Variants in SMC4 observed in about 807,000 individuals in gnomAD.
SMC4 encodes structural maintenance of chromosomes protein 4.
In SMC4, 87 loss-of-function variants were observed where a neutral mutation model predicts 145.6. That is an observed-to-expected ratio of 0.60 (90% CI 0.50 to 0.71). The LOEUF (loss-of-function observed/expected upper bound fraction) is 0.71, where lower values mean the gene tolerates loss of function less well. Among genes scored for constraint, SMC4 ranks in the 30% least tolerant of loss-of-function variants. The probability of loss-of-function intolerance (pLI) is 0.00; values close to 1 mark genes in which losing one functional copy is unlikely to be tolerated. For missense variants in SMC4, 1,447 were observed against 1,537.1 expected (o/e 0.94, Z 0.98); for synonymous variants, 558 against 500.7 (o/e 1.11, Z -1.53).
Position 160,430,621 on chromosome 3 carries a change from T to G in SMC4, c.2818T>G (p.Ser940Ala). Residue 940 changes from serine to alanine, a missense_variant, in exon 19 of 24, where the codon TCT becomes GCT. By Grantham distance (99) the Ser-to-Ala change is moderately conservative. Coordinates refer to ENST00000357388, the MANE Select transcript of SMC4 (RefSeq NM_001002800.3). ...ADRNLQKAQDSVLRTEKEIKD... is the reference protein window; with the variant it reads ...ADRNLQKAQDAVLRTEKEIKD... Reference sequence around the variant, plus strand: ...TAGAAACCTTCAAAAGGCACAAGACTCTGTCTTGCGTACAGAGAAAGAAAT... The same window carrying G: ...TAGAAACCTTCAAAAGGCACAAGACGCTGTCTTGCGTACAGAGAAAGAAAT... 2 of 1,609,224 alleles carry G rather than the reference T, an allele frequency of 1.2e-6. No individual in the cohort carries two copies. The highest frequency in any genetic ancestry group is 1.7e-6 in the Non-Finnish European group (2 of 1,178,114).
chr3:160,416,292 C>A lies in SMC4; in HGVS notation c.1314C>A (p.Ile438=). ...FKSIPAKSNN[I]INETTTRNNA... ...GTATACCTGCCAAGAGTAACAATAT[C>A]ATTAATGAAACAACAACCAGAAACA... is the stretch of plus-strand genomic sequence containing the variant. The change falls in exon 10 of 24, where the codon ATC becomes ATA. Residue 438 remains isoleucine (I), a synonymous_variant. Coordinates refer to ENST00000357388, the MANE Select transcript of SMC4 (RefSeq NM_001002800.3). 6.3e-7 allele frequency: 1 copy of A among 1,596,158 alleles called. No homozygotes were observed.
intron 23 of SMC4, 78 bp downstream of exon 23, chr3:160,433,287 C>T: frequency 9.8e-7 from 1 of 1,016,464 alleles, no homozygotes; most frequent in Non-Finnish European, 1.5e-6. Flanking sequence ...TTCTTTATTT[C>T]TTACAATTGA....
At position 160,402,859 on chromosome 3, in the gene SMC4, A is replaced by G; in HGVS notation, c.502A>G (p.Ile168Val). Residue 168 changes from isoleucine (I) to valine (V), a missense_variant, in exon 4 of 24, where the codon ATT becomes GTT. By Grantham distance (29) the Ile-to-Val change is conservative. Coordinates refer to ENST00000357388, the MANE Select transcript of SMC4 (RefSeq NM_001002800.3). Reference sequence around the variant, plus strand: ...AGTAGAAGTTCATTTTCAAAAGATAATTGATAAGGTAAGGGATTTTTACTG... The same window carrying G: ...AGTAGAAGTTCATTTTCAAAAGATAGTTGATAAGGTAAGGGATTTTTACTG... Reference protein sequence around the residue: ...CTVEVHFQKIIDKEGDDYEVI... With the variant: ...CTVEVHFQKIVDKEGDDYEVI... 1 of 1,566,884 alleles carries G rather than the reference A, an allele frequency of 6.4e-7. No individual in the cohort carries two copies. The highest frequency in any genetic ancestry group is 1.4e-5 in the African/African-American group (1 of 71,858).
At position 160,425,024 on chromosome 3, in the gene SMC4, G is replaced by GTA. The variant is rs1717625015; in HGVS notation, c.2478+6_2478+7insAT. ...AAATTTACTGCAAGCATCCAGGTAT[G>GTA]TGTGTGTGTGTGTGTGTGTGTGTGT... On this transcript the variant is annotated splice_donor_region_variant and intron_variant, in intron 16 of 23. Coordinates refer to ENST00000357388, the MANE Select transcript of SMC4 (RefSeq NM_001002800.3). 3 of 627,888 alleles carry GTA rather than the reference G, an allele frequency of 4.8e-6. No individual in the cohort carries two copies. In the East Asian group the frequency reaches 2.4e-4, roughly 49 times the overall value. The allele number at this position is 627,888 out of a possible 1,614,324, so 38.9% of individuals were successfully genotyped here.
intron 5 of SMC4, among the ~76,000 whole-genome samples, chr3:160,410,787 T>C (rs1327670420): frequency 1.3e-5 from 2 of 152,220 alleles, no homozygotes; most frequent in Admixed American, 6.5e-5. Context: ...TAGTAAGTTT[T>C]ACCCCACATT....
In SMC4 at chr3:160,400,938, C is replaced by G. The variant is rs1450665976; in HGVS notation, c.112C>G (p.Arg38Gly). The G allele has an allele frequency of 2.4e-5, 35 of 1,461,708 alleles. No individual in the cohort carries two copies. In the South Asian group the frequency reaches 4.0e-4, roughly 17 times the overall value. 90.5% of individuals were successfully genotyped at this position (1,461,708 alleles called of 1,614,324 possible). Residue 38 changes from arginine (R) to glycine (G), a missense_variant, in exon 2 of 24, where the codon CGC becomes GGC. Transcript: ENST00000357388. ...SDAEPEPPSG[R>G]TESPATAAET... ...CGCGGAGCCTGAGCCGCCGTCCGGC[C>G]GCACGGAGAGCCCAGCCACCGCCGC...
In SMC4 at chr3:160,412,473, T is replaced by C. The variant is rs1160434487; in HGVS notation, c.980+20T>C. 4 of 1,578,182 alleles carry C rather than the reference T, an allele frequency of 2.5e-6. No homozygotes were observed. The highest frequency in any genetic ancestry group is 3.4e-6 in the Non-Finnish European group (4 of 1,163,068). On this transcript the variant is annotated intron_variant, in intron 7 of 23. Transcript: ENST00000357388. ...TTATATGTAAGTGCCTTGATTGATA[T>C]TACCAATTTTTATATTAGTTTTTAA...
In SMC4 at chr3:160,416,401, C is replaced by T; in HGVS notation, c.1423C>T (p.Gln475Ter). ...CCTTAAACAGGAAACACAAGGGCTTCAGAAAGAAAAAGAAGTAAGTTTTTT... is the reference window on the plus strand; with the variant it reads ...CCTTAAACAGGAAACACAAGGGCTTTAGAAAGAAAAAGAAGTAAGTTTTTT... ...DSLKQETQGL[Q>*]KEKESREKEL... is the part of the protein sequence containing the mutation. Residue 475 changes from glutamine (Q) to a stop codon, truncating the protein, a stop_gained, in exon 10 of 24, where the codon CAG becomes TAG. Coordinates refer to ENST00000357388, the MANE Select transcript of SMC4 (RefSeq NM_001002800.3). LOFTEE classifies it high-confidence loss of function. 1.4e-6 allele frequency: 2 copies of T among 1,427,244 alleles called. No homozygotes were observed. The highest frequency in any genetic ancestry group is 1.7e-5 in the South Asian group (1 of 59,384). 88.4% of individuals were successfully genotyped at this position (1,427,244 alleles called of 1,614,324 possible).
At chr3:160,410,687 AT>A (rs1392652717) in intron 5 of SMC4, among the ~76,000 whole-genome samples, 1 of 152,288 alleles carries the variant, frequency 6.6e-6, no homozygotes, top group Non-Finnish European at 1.5e-5. Flanking sequence ...TAATGAGTAG[AT>A]TTTCAAATAA....
chr3:160,401,102 G>A, intron 2 of SMC4, 137 bp downstream of exon 2: 1 of 1,203,416 alleles, frequency 8.3e-7, no homozygotes, highest in Non-Finnish European at 1.1e-6. Context: ...TAGAGGCTCA[G>A]GAAAGCCATT....
Position 160,402,723 on chromosome 3 carries a change from TATTG to T in SMC4, c.370_373del (p.Asp124LeufsTer13). The T allele has an allele frequency of 6.2e-7, 1 of 1,611,646 alleles. No individual in the cohort carries two copies. The highest frequency in any genetic ancestry group is 8.5e-7 in the Non-Finnish European group (1 of 1,179,446). On this transcript the variant is annotated frameshift_variant, in exon 4 of 24. Coordinates refer to ENST00000357388, the MANE Select transcript of SMC4 (RefSeq NM_001002800.3). LOFTEE classifies it high-confidence loss of function. The stretch of plus-strand genomic sequence containing the variant: ...CAAATGGCAGTGGCAAATCCAATGT[TATTG>T]ATTCTATGCTTTTTGTGTTTGGCTA...
At chr3:160,409,843 G>A (rs1715783008) in intron 5 of SMC4, among the ~76,000 whole-genome samples, 1 of 152,164 alleles carries the variant, frequency 6.6e-6, no homozygotes, top group Admixed American at 6.5e-5. Flanking sequence ...GAGGCAAAAG[G>A]ATCGCTTGAG....
At chr3:160,429,962 GC>G (rs934152106) in intron 18 of SMC4, among the ~76,000 whole-genome samples, 34 of 151,928 alleles carry the variant, frequency 2.2e-4, no homozygotes, top group Admixed American at 2.2e-3. Flanking sequence ...TGGTCCCCCT[GC>G]CTCAGCCTCC....
At chr3:160,429,174 G>GT (rs141722191) in intron 18 of SMC4, among the ~76,000 whole-genome samples, 2,250 of 152,218 alleles carry the variant, frequency 0.015, 31 homozygotes, top group Non-Finnish European at 0.023. Flanking sequence ...CAGGTAGACT[G>GT]TAACTCCCCA....
Position 160,404,524 on chromosome 3 carries a change from C to A in SMC4, c.687+20C>A, listed in dbSNP as rs766051338. 1.3e-6 allele frequency: 2 copies of A among 1,599,338 alleles called. No homozygotes were observed. The highest frequency in any genetic ancestry group is 1.7e-6 in the Non-Finnish European group (2 of 1,171,270). ...TTACAGGTAAGTTTATTAAAGACTT[C>A]AAAGATTCTCTTATTCTTGTTACTT... On this transcript the variant is annotated intron_variant, in intron 5 of 23. Coordinates refer to ENST00000357388, the MANE Select transcript of SMC4 (RefSeq NM_001002800.3).
At chr3:160,419,626 T>C in intron 12 of SMC4, 83 bp downstream of exon 12, 1 of 1,229,388 alleles carries the variant, frequency 8.1e-7, no homozygotes, top group Middle Eastern at 2.4e-4. Context: ...ACAACCATAT[T>C]TCAAGTGTCA....
intron 22 of SMC4, 41 bp downstream of exon 22, chr3:160,432,556 TTTCTACATA>T: frequency 8.2e-7 from 1 of 1,225,082 alleles, no homozygotes; most frequent in Non-Finnish European, 1.1e-6. Flanking sequence ...CTGTTACCTT[TTTCTACATA>T]TTCTCCAAAC....
chr3:160,432,452 G>A lies in SMC4; in HGVS notation c.3467G>A (p.Gly1156Glu), dbSNP rs1256748025. 8 of 1,613,310 alleles carry A rather than the reference G, an allele frequency of 5.0e-6. No individual in the cohort carries two copies. Among genetic ancestry groups the A allele is most frequent in the Non-Finnish European group, 6.8e-6 (8 of 1,179,654 alleles). Residue 1156 changes from glycine to glutamate, a missense_variant, in exon 22 of 24, where the codon GGA becomes GAA. Gly to Glu is a moderately conservative substitution (Grantham distance 98). Coordinates refer to ENST00000357388, the MANE Select transcript of SMC4 (RefSeq NM_001002800.3). ...GAAAATTACCAAATGCTTACTTTGG[G>A]AGGGGACGCCGAACTCGAGCTTGTA... ...LKENYQMLTL[G>E]GDAELELVDS...
Position 160,419,404 on chromosome 3 carries a change from A to C in SMC4, c.1718A>C (p.Lys573Thr). The C allele has an allele frequency of 6.2e-7, 1 of 1,605,190 alleles. No homozygotes were observed. The highest frequency in any genetic ancestry group is 8.5e-7 in the Non-Finnish European group (1 of 1,177,994). The change falls in exon 12 of 24, where the codon AAA becomes ACA. Residue 573 changes from lysine (K) to threonine (T), a missense_variant. Physicochemically the swap from Lys to Thr is moderately conservative, Grantham distance 78. Transcript: ENST00000357388. ...QKLTQEETNF[K>T]SLVHDLFQKV... ...CTTACACAAGAAGAAACAAACTTTAAAAGTTTGGTTCATGATCTCTTTCAA... is the reference window on the plus strand; with the variant it reads ...CTTACACAAGAAGAAACAAACTTTACAAGTTTGGTTCATGATCTCTTTCAA...
Sources: gnomAD v4.1 joint callset for allele counts (sites outside exome capture counted in the v4.1 genomes callset) on GRCh38, gnomAD v4.1.1 for gene constraint, MANE v1.5 for transcripts, NCBI Gene and HGNC (gene_info 2026-07-23, HGNC 2026-07-21) for gene names.